Variants in DLG2 observed in about 807,000 individuals in gnomAD.
The protein encoded by DLG2 is disks large homolog 2.
A neutral mutation model predicts 132.5 loss-of-function variants in DLG2; 45 were observed. The observed-to-expected ratio is 0.34, with a 90% CI of 0.27 to 0.44. The LOEUF is 0.44. DLG2 is among the 20% of genes least tolerant of loss of function. The pLI, the probability that DLG2 is intolerant of heterozygous loss-of-function variation, is 1.00. For missense variants in DLG2, 1,045 were observed against 1,196.9 expected (o/e 0.87, Z 1.87); for synonymous variants, 424 against 419.6 (o/e 1.01, Z -0.13).
intron 18 of DLG2, among the ~76,000 whole-genome samples, chr11:83,718,355 G>A (rs2087300167): frequency 1.3e-5 from 2 of 151,866 alleles, no homozygotes; most frequent in Admixed American, 6.6e-5. Context: ...TGGCCAAGAT[G>A]GTGAAACTCT....
chr11:84,046,441 G>A lies in DLG2; in HGVS notation c.919+12874C>T, dbSNP rs896510747. On this transcript the variant is annotated intron_variant, in intron 11 of 27. Coordinates refer to ENST00000376104, the MANE Select transcript of DLG2 (RefSeq NM_001142699.3). ...CTATGAAGAATAAAATTTTCATTTT[G>A]ACTCTACTACTACTAAAAACTCAAT... Among the ~76,000 whole-genome samples, 5 of 151,354 alleles carry A rather than the reference G, an allele frequency of 3.3e-5. No homozygotes were observed. The East Asian group carries it at 7.8e-4, about 24-fold the overall frequency.
intron 3 of DLG2, among the ~76,000 whole-genome samples, chr11:85,290,447 A>G (rs1014504820): frequency 1.3e-5 from 2 of 152,020 alleles, no homozygotes; most frequent in African/African-American, 4.8e-5. Flanking sequence ...GACTTAAGAA[A>G]TAGCATCTCA....
chr11:84,134,581 G>T lies in DLG2; in HGVS notation c.624+28880C>A, dbSNP rs201679769. ...TGGTTAATTCCAAGTCACCCAGTCAGCAGGGAACTAGGTACAGTTCCCACC... is the reference window on the plus strand; with the variant it reads ...TGGTTAATTCCAAGTCACCCAGTCATCAGGGAACTAGGTACAGTTCCCACC... On this transcript the variant is annotated intron_variant, in intron 9 of 27. Transcript: ENST00000376104. Among the ~76,000 whole-genome samples the T allele has an allele frequency of 2.6e-5, 4 of 151,940 alleles. No homozygotes were observed. In the East Asian group the frequency reaches 7.7e-4, roughly 29 times the overall value.
chr11:85,436,972 A>G (rs2091517320), intron 3 of DLG2, among the ~76,000 whole-genome samples: 1 of 152,224 alleles, frequency 6.6e-6, no homozygotes, highest in African/African-American at 2.4e-5. Context: ...ATGCAGCCAT[A>G]AAAAGGAATG....
intron 12 of DLG2, 81 bp downstream of exon 12, chr11:83,980,425 C>A (rs921690173): frequency 4.2e-6 from 6 of 1,436,832 alleles, no homozygotes; most frequent in Admixed American, 2.4e-5. Flanking sequence ...GTGATGGCAG[C>A]CTGAACTGAC....
chr11:84,003,056 C>T (rs1592832154), intron 11 of DLG2, among the ~76,000 whole-genome samples: 1 of 152,326 alleles, frequency 6.6e-6, no homozygotes, highest in East Asian at 1.9e-4. Flanking sequence ...AATCATCTCT[C>T]TTAAGTTTAA....
chr11:84,115,592 C>A (rs893670385), intron 9 of DLG2, among the ~76,000 whole-genome samples: 2 of 152,192 alleles, frequency 1.3e-5, no homozygotes, highest in Non-Finnish European at 2.9e-5. Flanking sequence ...CTTTTATGGT[C>A]CTCCAACATT....
At chr11:84,796,345 T>C (rs2074602177) in intron 6 of DLG2, among the ~76,000 whole-genome samples, 2 of 152,236 alleles carry the variant, frequency 1.3e-5, no homozygotes, top group East Asian at 1.9e-4. Context: ...TCTTACTGTA[T>C]TGTCTATGTC....
intron 15 of DLG2, among the ~76,000 whole-genome samples, chr11:83,880,614 G>A (rs1172718000): frequency 1.3e-5 from 2 of 152,148 alleles, no homozygotes; most frequent in African/African-American, 4.8e-5. Flanking sequence ...TGTTAGGATT[G>A]GGGGAGGTGA....
rs575306208 is a variant in DLG2 at position 84,587,824 on chromosome 11, G to A, written c.358-53093C>T. On this transcript the variant is annotated intron_variant, in intron 6 of 27. Coordinates refer to ENST00000376104, the MANE Select transcript of DLG2 (RefSeq NM_001142699.3). ...CATGCTATTTAGCTCTATTCTTACTGGTTTTAAAAAAATAATCAATTGCAT... is the reference window on the plus strand; with the variant it reads ...CATGCTATTTAGCTCTATTCTTACTAGTTTTAAAAAAATAATCAATTGCAT... Among the ~76,000 whole-genome samples, 23 of 152,054 alleles carry A rather than the reference G, an allele frequency of 1.5e-4. No homozygotes were observed. The South Asian group carries it at 4.8e-3, about 32-fold the overall frequency.
At chr11:84,591,850 T>C (rs2099544139) in intron 6 of DLG2, among the ~76,000 whole-genome samples, 1 of 152,000 alleles carries the variant, frequency 6.6e-6, no homozygotes, top group South Asian at 2.1e-4. Flanking sequence ...AGGGATTTTA[T>C]TATTTTTAAA....
chr11:84,278,604 G>A (rs1029230793), intron 7 of DLG2, among the ~76,000 whole-genome samples: 8 of 151,682 alleles, frequency 5.3e-5, no homozygotes, highest in South Asian at 4.1e-4. Context: ...AAATTTAATC[G>A]AACAATATAT....
chr11:83,577,633 T>C (rs1392715145), intron 19 of DLG2, among the ~76,000 whole-genome samples: 1 of 124,444 alleles, frequency 8.0e-6, no homozygotes, highest in African/African-American at 3.0e-5. Flanking sequence ...ATGTTATTTA[T>C]AATAGGATAT....
chr11:84,004,346 A>T (rs1023501519), intron 11 of DLG2, among the ~76,000 whole-genome samples: 3 of 152,178 alleles, frequency 2.0e-5, no homozygotes, highest in African/African-American at 7.2e-5. Flanking sequence ...TCATATGATC[A>T]TCTCATCAGA....
chr11:83,965,933 C>T (rs1195589087), intron 12 of DLG2, among the ~76,000 whole-genome samples: 1 of 151,980 alleles, frequency 6.6e-6, no homozygotes, highest in African/African-American at 2.4e-5. Flanking sequence ...TTGTTTGTAG[C>T]AGCAATGTAG....
chr11:85,605,382 G>T (rs564246303), intron 2 of DLG2, among the ~76,000 whole-genome samples: 2 of 152,118 alleles, frequency 1.3e-5, no homozygotes, highest in African/African-American at 4.8e-5. Flanking sequence ...GACATAAATC[G>T]TATCACTGAA....
intron 10 of DLG2, among the ~76,000 whole-genome samples, chr11:84,092,046 T>C (rs1219666826): frequency 1.3e-5 from 2 of 152,228 alleles, no homozygotes; most frequent in African/African-American, 4.8e-5. Flanking sequence ...CATGGGTCAG[T>C]CTGAATCAGG....
At chr11:85,470,212 GT>G (rs113051824) in intron 3 of DLG2, among the ~76,000 whole-genome samples, 472 of 138,626 alleles carry the variant, frequency 3.4e-3, no homozygotes, top group Non-Finnish European at 4.2e-3. Flanking sequence ...AATCTACTTG[GT>G]TTTTTTTTTT....
intron 3 of DLG2, among the ~76,000 whole-genome samples, chr11:85,545,333 G>A (rs1323531757): frequency 1.3e-5 from 2 of 152,196 alleles, no homozygotes; most frequent in Non-Finnish European, 2.9e-5. Flanking sequence ...TCCCCGGGAT[G>A]CAGCCAACTT....
Sources: allele counts gnomAD v4.1 joint callset (sites outside exome capture counted in the v4.1 genomes callset), GRCh38; gene constraint gnomAD v4.1.1; transcripts MANE v1.5; gene names NCBI Gene and HGNC (gene_info 2026-07-23, HGNC 2026-07-21).